The following HMCN1 variants were observed in gnomAD, a reference collection of about 807,000 sequenced individuals.
The protein encoded by HMCN1 is hemicentin-1.
A neutral mutation model predicts 625.9 loss-of-function variants in HMCN1; 321 were observed. The ratio of observed to expected loss-of-function variants is 0.51; its 90% confidence interval spans 0.47 to 0.56. The LOEUF (loss-of-function observed/expected upper bound fraction) is 0.56, where lower values mean the gene tolerates loss of function less well. Ranked by LOEUF, HMCN1 falls within the 20% of genes least tolerant of loss-of-function variation. The pLI is 0.00. For synonymous variants in HMCN1, 2,425 were observed against 2,417.6 expected (o/e 1.00, Z -0.09); for missense variants, 6,588 against 6,887.3 (o/e 0.96, Z 1.54).
At position 186,041,037 on chromosome 1, in the gene HMCN1, G is replaced by A; in HGVS notation, c.6205G>A (p.Ala2069Thr). The change falls in exon 40 of 107, where the codon GCA becomes ACA. Residue 2069 changes from alanine to threonine, a missense_variant. Physicochemically the swap from Ala to Thr is moderately conservative, Grantham distance 58. This residue lies in a region of HMCN1 where 4,628 missense variants were observed against 4,853.1 expected (regional missense o/e 0.95). Transcript: ENST00000271588. ...LQVLSGGRIL[A>T]LTSAQISDTG... ...GGTTCTCTCTGGTGGTCGAATCCTAGCATTGACCAGTGCACAAATCAGCGA... is the reference window on the plus strand; with the variant it reads ...GGTTCTCTCTGGTGGTCGAATCCTAACATTGACCAGTGCACAAATCAGCGA... 3 of 1,612,950 alleles carry A rather than the reference G, an allele frequency of 1.9e-6. No homozygotes were observed. Among genetic ancestry groups the A allele is most frequent in the Non-Finnish European group, 2.5e-6 (3 of 1,179,254 alleles).
chr1:185,811,390 G>A (rs1348612695), intron 1 of HMCN1, among the ~76,000 whole-genome samples: 1 of 151,906 alleles, frequency 6.6e-6, no homozygotes, highest in East Asian at 1.9e-4. Context: ...AAAGTGTGAG[G>A]ACTAGCCTGG....
At chr1:186,098,880 G>A (rs183101709) in intron 68 of HMCN1, among the ~76,000 whole-genome samples, 4 of 152,190 alleles carry the variant, frequency 2.6e-5, no homozygotes, top group Admixed American at 6.5e-5. Context: ...ATGACAACAT[G>A]GATGAACCTG....
chr1:185,885,342 G>T (rs1226662435), intron 4 of HMCN1, among the ~76,000 whole-genome samples: 1 of 151,890 alleles, frequency 6.6e-6, no homozygotes, highest in African/African-American at 2.4e-5. Flanking sequence ...TAAAGACCAT[G>T]ATTATATGGT....
At chr1:185,970,286 CAATTTT>C (rs781457993) in intron 14 of HMCN1, 43 bp from the exon 15 acceptor site, 1 of 1,547,962 alleles carries the variant, frequency 6.5e-7, no homozygotes, top group East Asian at 2.2e-5. Flanking sequence ...GCTGCATAAA[CAATTTT>C]AATACTTTAG....
At position 185,778,586 on chromosome 1, in the gene HMCN1, A is replaced by G. The variant is rs1333228354; in HGVS notation, c.268+43539A>G. On this transcript the variant is annotated intron_variant, in intron 1 of 106. Coordinates refer to ENST00000271588, the MANE Select transcript of HMCN1 (RefSeq NM_031935.3). ...GTTCAATTCCCACCTATGAGTGAGA[A>G]TATGCGGTGTTTGGTTTTTCGTCCT... Among the ~76,000 whole-genome samples the G allele has an allele frequency of 4.0e-5, 6 of 148,292 alleles. No individual in the cohort carries two copies. The South Asian group carries it at 1.3e-3, about 32-fold the overall frequency.
intron 1 of HMCN1, among the ~76,000 whole-genome samples, chr1:185,749,792 T>C (rs1319064909): frequency 6.6e-6 from 1 of 152,230 alleles, no homozygotes; most frequent in Non-Finnish European, 1.5e-5. Flanking sequence ...AGAAATGTCA[T>C]TATTCCCACC....
In HMCN1 at chr1:186,145,271, T is replaced by A. The variant is rs970497065; in HGVS notation, c.14267-132T>A. On this transcript the variant is annotated intron_variant, in intron 91 of 106. Coordinates refer to ENST00000271588, the MANE Select transcript of HMCN1 (RefSeq NM_031935.3). Reference sequence around the variant, plus strand: ...CTATCTTCCTTTGGAAGTTGCCTATTTATAGACTTGCATGTTTTGTTTTAG... The same window carrying A: ...CTATCTTCCTTTGGAAGTTGCCTATATATAGACTTGCATGTTTTGTTTTAG... The A allele has an allele frequency of 4.7e-6, 4 of 845,754 alleles. No homozygotes were observed. In the South Asian group the frequency reaches 8.0e-5, roughly 17 times the overall value. 52.4% of individuals were successfully genotyped at this position (845,754 alleles called of 1,614,324 possible).
At chr1:185,890,653 T>A (rs1221490124) in intron 4 of HMCN1, among the ~76,000 whole-genome samples, 1 of 110,506 alleles carries the variant, frequency 9.0e-6, no homozygotes, top group Non-Finnish European at 1.7e-5. Flanking sequence ...AGTTCTAGTT[T>A]GATTGCACTG....
Position 186,144,529 on chromosome 1 carries a change from C to G in HMCN1, c.14096-4C>G, listed in dbSNP as rs368384641. 4.7e-5 allele frequency: 76 copies of G among 1,614,000 alleles called. 1 individual carries two copies. In the South Asian group the frequency reaches 7.2e-4, roughly 15 times the overall value. On this transcript the variant is annotated splice_polypyrimidine_tract_variant and splice_region_variant and intron_variant, in intron 90 of 106. Coordinates refer to ENST00000271588, the MANE Select transcript of HMCN1 (RefSeq NM_031935.3). ...AAAGCATGTACCTTTTTCCCTTATT[C>G]CAGTTCATGGCAAGTGGGCGACTTG...
chr1:186,033,204 C>A (rs1655588898), intron 36 of HMCN1, among the ~76,000 whole-genome samples: 1 of 152,034 alleles, frequency 6.6e-6, no homozygotes, highest in Non-Finnish European at 1.5e-5. Context: ...AATGGAAAAC[C>A]AAACATCGCA....
At chr1:185,891,446 G>A (rs1481496618) in intron 4 of HMCN1, among the ~76,000 whole-genome samples, 2 of 148,350 alleles carry the variant, frequency 1.3e-5, no homozygotes, top group East Asian at 3.9e-4. Context: ...GCAGCGGCTG[G>A]TACCGGTTGT....
At chr1:185,877,642 T>C (rs763039931) in intron 4 of HMCN1, among the ~76,000 whole-genome samples, 3 of 152,056 alleles carry the variant, frequency 2.0e-5, no homozygotes, top group African/African-American at 2.4e-5. Flanking sequence ...ATTTCTTTCA[T>C]CAGTGTTTGG....
At chr1:186,074,638 T>G in intron 52 of HMCN1, 103 bp from the exon 53 acceptor site, 1 of 980,016 alleles carries the variant, frequency 1.0e-6, no homozygotes, top group Non-Finnish European at 1.6e-6. Context: ...GCATACAATT[T>G]TATTTTCATT....
In HMCN1 at chr1:185,922,443, G is replaced by T. The variant is rs752613366; in HGVS notation, c.965G>T (p.Gly322Val). ...CTCAGTACTATTGATTTCCGAGCTGGCTTTTCTCGAAAGCCCACCCTGGAC... is the reference window on the plus strand; with the variant it reads ...CTCAGTACTATTGATTTCCGAGCTGTCTTTTCTCGAAAGCCCACCCTGGAC... ...TGLSTIDFRA[G>V]FSRKPTLDFK... Residue 322 changes from glycine (G) to valine (V), a missense_variant, in exon 7 of 107, where the codon GGC (glycine) becomes GTC (valine). By Grantham distance (109) the Gly-to-Val change is moderately radical (BLOSUM62 -3). Coordinates refer to ENST00000271588, the MANE Select transcript of HMCN1 (RefSeq NM_031935.3). 7.4e-6 allele frequency: 12 copies of T among 1,613,600 alleles called. No homozygotes were observed. The highest frequency in any genetic ancestry group is 1.0e-5 in the Non-Finnish European group (12 of 1,179,834).
chr1:185,992,405 C>T (rs567407718), intron 22 of HMCN1, among the ~76,000 whole-genome samples: 7 of 152,230 alleles, frequency 4.6e-5, no homozygotes, highest in Non-Finnish European at 8.8e-5. Context: ...GGACTTCAAT[C>T]TATCTGAATT....
intron 25 of HMCN1, 112 bp downstream of exon 25, chr1:185,997,636 C>T (rs928435996): frequency 1.2e-5 from 9 of 774,460 alleles, no homozygotes; most frequent in African/African-American, 6.9e-5. Flanking sequence ...CTTGGTAGAA[C>T]ATTTGAGCAT....
chr1:185,738,046 G>A (rs1653715550), intron 1 of HMCN1, among the ~76,000 whole-genome samples: 1 of 152,174 alleles, frequency 6.6e-6, no homozygotes, highest in Non-Finnish European at 1.5e-5. Flanking sequence ...CGGGGGTCAT[G>A]GAAAGGCGAG....
chr1:185,953,283 C>T (rs1649372021), intron 11 of HMCN1, among the ~76,000 whole-genome samples: 1 of 151,756 alleles, frequency 6.6e-6, no homozygotes, highest in South Asian at 2.1e-4. Context: ...CTTGACCCTT[C>T]CCCAGAAAAG....
chr1:186,160,485 C>T (rs1226453019), intron 97 of HMCN1, among the ~76,000 whole-genome samples: 1 of 150,676 alleles, frequency 6.6e-6, no homozygotes, highest in East Asian at 1.9e-4. Context: ...TTTGCTCTTG[C>T]TTTTCTAATT....
Sources: allele counts gnomAD v4.1 joint callset (sites outside exome capture counted in the v4.1 genomes callset), GRCh38; gene constraint gnomAD v4.1.1; regional missense constraint gnomAD v4.1.1; transcripts MANE v1.5; gene names NCBI Gene and HGNC (gene_info 2026-07-23, HGNC 2026-07-21).